Variants in TMEM120A observed in about 807,000 individuals in gnomAD.
TMEM120A encodes transmembrane protein 120A.
A neutral mutation model predicts 54.3 loss-of-function variants in TMEM120A; 45 were observed. The ratio of observed to expected loss-of-function variants is 0.83; its 90% CI spans 0.65 to 1.06. TMEM120A has a LOEUF of 1.06. Ranked by LOEUF, TMEM120A falls within the 50% of genes least tolerant of loss-of-function variation. The probability of loss-of-function intolerance (pLI) is 0.00; values close to 1 mark genes in which losing one functional copy is unlikely to be tolerated. For synonymous variants in TMEM120A, 204 were observed against 178.5 expected, an observed-to-expected ratio of 1.14 and a Z score of -1.14; for missense variants, 424 against 441.7, an observed-to-expected ratio of 0.96 and a Z score of 0.36.
Position 75,987,609 on chromosome 7 carries a change from G to T in TMEM120A, c.785-7C>A. ...ATCCAGGACTGGAAGCCCTCTGCGG[G>T]GAGGAAGGTCAGGGCACAGGACGGC... On this transcript the variant is annotated splice_polypyrimidine_tract_variant and splice_region_variant and intron_variant, in intron 9 of 11. Transcript: ENST00000493111. 2 of 1,608,116 alleles carry T rather than the reference G, an allele frequency of 1.2e-6. No individual in the cohort carries two copies. Among genetic ancestry groups the T allele is most frequent in the Non-Finnish European group, 1.7e-6 (2 of 1,177,842 alleles).
At chr7:75,992,616 A>AG (rs1331039544) in intron 1 of TMEM120A, 59 bp from the exon 2 acceptor site, 1 of 1,327,612 alleles carries the variant, frequency 7.5e-7, no homozygotes, top group African/African-American at 1.5e-5. Context: ...CAGAGCCTGC[A>AG]GGCAGGACGT....
In TMEM120A at chr7:75,992,190, G is replaced by GGC; in HGVS notation, c.269_270dup (p.Gln91AlafsTer20). 6.2e-7 allele frequency: 1 copy of GGC among 1,612,214 alleles called. No individual in the cohort carries two copies. The highest frequency in any genetic ancestry group is 8.5e-7 in the Non-Finnish European group (1 of 1,179,206). The stretch of plus-strand genomic sequence containing the variant: ...GCCTCCATGTCAAAGAAGAGGCCTT[G>GGC]GCGCTCTTTCATCTGGTTCTCCAGC... On this transcript the variant is annotated frameshift_variant, in exon 3 of 12. Coordinates refer to ENST00000493111, the MANE Select transcript of TMEM120A (RefSeq NM_031925.3). LOFTEE classifies it high-confidence loss of function.
rs1789535203 is a variant in TMEM120A, at chr7:75,987,166, C to T, written c.*6G>A. ...CCCCTCTGGGCCGGCAGGGGAAGGC[C>T]CAGCCTCAATCCTTCTTGCTCCCGT... On this transcript the variant is annotated 3_prime_UTR_variant, in exon 12 of 12. Transcript: ENST00000493111. 2 of 1,590,954 alleles carry T rather than the reference C, an allele frequency of 1.3e-6. No individual in the cohort carries two copies. The highest frequency in any genetic ancestry group is 8.5e-7 in the Non-Finnish European group (1 of 1,169,604).
intron 8 of TMEM120A, 33 bp downstream of exon 8, chr7:75,987,890 C>G (rs1355727058): frequency 6.3e-7 from 1 of 1,599,024 alleles, no homozygotes; most frequent in African/African-American, 1.3e-5. Flanking sequence ...ACGGGTGCCT[C>G]CAGGGCTCAG....
chr7:75,988,148 C>T lies in TMEM120A; in HGVS notation c.564G>A (p.Arg188=), dbSNP rs782743658. ...RESILINNGS[R]IKGWWVFHHY... ...GATGGAACACCCACCAGCCTTTGATCCTGGAGCAGAGAGCCACCATCACCC... is the reference window on the plus strand; with the variant it reads ...GATGGAACACCCACCAGCCTTTGATTCTGGAGCAGAGAGCCACCATCACCC... The change falls in exon 7 of 12, where the codon CGG becomes CGA. Residue 188 remains arginine, a splice_region_variant and synonymous_variant. Coordinates refer to ENST00000493111, the MANE Select transcript of TMEM120A (RefSeq NM_031925.3). 1.9e-6 allele frequency: 3 copies of T among 1,610,718 alleles called. No homozygotes were observed. Among genetic ancestry groups the T allele is most frequent in the South Asian group, 2.2e-5 (2 of 90,840 alleles).
chr7:75,986,975 A>ACG lies in TMEM120A; in HGVS notation c.*195_*196dup. 1 of 610,116 alleles carries ACG rather than the reference A, an allele frequency of 1.6e-6. No individual in the cohort carries two copies. Among genetic ancestry groups the ACG allele is most frequent in the Admixed American group, 3.0e-5 (1 of 33,576 alleles). 37.8% of individuals were successfully genotyped at this position (610,116 alleles called of 1,614,324 possible). ...CCTCCCCTCCCCCAGGAGAACACACACGCTCAGGCCACCTCTGGGCCTCTC... is the reference window on the plus strand; with the variant it reads ...CCTCCCCTCCCCCAGGAGAACACACACGCGCTCAGGCCACCTCTGGGCCTCTC... On this transcript the variant is annotated 3_prime_UTR_variant, in exon 12 of 12. Transcript: ENST00000493111.
rs782398579 is a variant in TMEM120A, at chr7:75,987,568, G to A, written c.819C>T (p.Thr273=). The change falls in exon 10 of 12, where the codon ACC becomes ACT. Residue 273 remains threonine, a synonymous_variant. Transcript: ENST00000493111. ...GFQSWMWRGL[T]FLLPFLFFGH... ...CAAAGAAAAGAAAAGGCAGCAGGAA[G>A]GTGAGGCCCCGCCACATCCAGGACT... The A allele has an allele frequency of 4.4e-6, 7 of 1,600,794 alleles. No individual in the cohort carries two copies. The African/African-American group carries it at 6.7e-5, about 15-fold the overall frequency.
intron 5 of TMEM120A, 36 bp from the exon 6 acceptor site, chr7:75,988,377 C>T (rs375465097): frequency 9.5e-5 from 152 of 1,598,844 alleles, no homozygotes; most frequent in Non-Finnish European, 1.3e-4. Context: ...GGTACTGCAG[C>T]GACTGGGGAT....
At chr7:75,989,761 C>A (rs1284288079) in intron 3 of TMEM120A, among the ~76,000 whole-genome samples, 1 of 152,040 alleles carries the variant, frequency 6.6e-6, no homozygotes, top group Non-Finnish European at 1.5e-5. Context: ...CCACCACGAC[C>A]CCCCTTGTCC....
chr7:75,993,114 G>A (rs1307651133), intron 1 of TMEM120A, among the ~76,000 whole-genome samples: 1 of 152,132 alleles, frequency 6.6e-6, no homozygotes, highest in Non-Finnish European at 1.5e-5. Context: ...GGTTTTCTTA[G>A]TCTCAGCCCA....
At chr7:75,989,113 G>GGTGGAGGGGTGGAGGTTGGGGGGTGGA in intron 4 of TMEM120A, 52 bp downstream of exon 4, 1 of 343,872 alleles carries the variant, frequency 2.9e-6, no homozygotes, top group Non-Finnish European at 4.9e-6. Context: ...GGGGGGTAGG[G>GGTGGAGGGGTGGAGGTTGGGGGGTGGA]GGCTAGGGGT....
rs1020068348 is a variant in TMEM120A, at chr7:75,987,004, A to G, written c.*168T>C. The G allele has an allele frequency of 1.2e-5, 8 of 642,748 alleles. No individual in the cohort carries two copies. The highest frequency in any genetic ancestry group is 2.2e-5 in the Non-Finnish European group (8 of 369,912). The allele number at this position is 642,748 out of a possible 1,614,324, so 39.8% of individuals were successfully genotyped here. ...TCAGGCCACCTCTGGGCCTCTCTTT[A>G]TTGAGGGCACTGGGCCCAGGTCTTC... On this transcript the variant is annotated 3_prime_UTR_variant, in exon 12 of 12. Transcript: ENST00000493111.
chr7:75,991,396 T>G (rs9656555), intron 3 of TMEM120A, among the ~76,000 whole-genome samples: 2,617 of 152,166 alleles, frequency 0.017, 68 homozygotes, highest in African/African-American at 0.06. Flanking sequence ...TGCCTCATTT[T>G]TTTTATTTAT....
Position 75,987,097 on chromosome 7 carries a change from C to A in TMEM120A, c.*75G>T, listed in dbSNP as rs781798838. Reference sequence around the variant, plus strand: ...AGAGACCCCCTGATACACGCACACTCGAGGGGCGCCTCCCATCCCCTCCCA... The same window carrying A: ...AGAGACCCCCTGATACACGCACACTAGAGGGGCGCCTCCCATCCCCTCCCA... On this transcript the variant is annotated 3_prime_UTR_variant, in exon 12 of 12. Coordinates refer to ENST00000493111, the MANE Select transcript of TMEM120A (RefSeq NM_031925.3). The A allele has an allele frequency of 1.0e-5, 13 of 1,261,680 alleles. No homozygotes were observed. The African/African-American group carries it at 1.9e-4, about 19-fold the overall frequency. The allele number at this position is 1,261,680 out of a possible 1,614,324, so 78.2% of individuals were successfully genotyped here. A position where few individuals can be genotyped will look rare whatever the true frequency, so the allele number is the denominator to read the frequency against.
chr7:75,993,704 C>T (rs946695591), intron 1 of TMEM120A, among the ~76,000 whole-genome samples: 17 of 152,212 alleles, frequency 1.1e-4, no homozygotes, highest in Non-Finnish European at 5.9e-5. Context: ...TCTTGTTTCT[C>T]ATGCCCAGGA....
At chr7:75,989,672 A>T (rs1554561440) in intron 3 of TMEM120A, among the ~76,000 whole-genome samples, 1 of 150,984 alleles carries the variant, frequency 6.6e-6, no homozygotes, top group African/African-American at 2.4e-5. Flanking sequence ...ATCTAGGACG[A>T]CCTCCCAAAC....
In TMEM120A at chr7:75,994,551, C is replaced by T. The variant is rs1402644247; in HGVS notation, c.20G>A (p.Gly7Asp). The change falls in exon 1 of 12, where the codon GGC becomes GAC. Residue 7 changes from glycine to aspartate, a missense_variant. Coordinates refer to ENST00000493111, the MANE Select transcript of TMEM120A (RefSeq NM_031925.3). The part of the protein sequence containing the change: MQPPPP[G>D]PLGDCLRDWE... ...GTCCCGCAGGCAGTCGCCCAGCGGGCCCGGGGGCGGGGGCTGCATGGCTGC... is the reference window on the plus strand; with the variant it reads ...GTCCCGCAGGCAGTCGCCCAGCGGGTCCGGGGGCGGGGGCTGCATGGCTGC... 3.9e-6 allele frequency: 6 copies of T among 1,554,876 alleles called. No individual in the cohort carries two copies. In the East Asian group the frequency reaches 1.2e-4, roughly 32 times the overall value.
Position 75,988,243 on chromosome 7 carries a change from C to G in TMEM120A, c.563+9G>C. On this transcript the variant is annotated intron_variant, in intron 6 of 11. Coordinates refer to ENST00000493111, the MANE Select transcript of TMEM120A (RefSeq NM_031925.3). ...CATGCTCCCCTCCCTCAGGGCCCGCCCTGCCCACCGGGAGCCGTTGTTGAT... is the reference window on the plus strand; with the variant it reads ...CATGCTCCCCTCCCTCAGGGCCCGCGCTGCCCACCGGGAGCCGTTGTTGAT... The G allele has an allele frequency of 6.2e-7, 1 of 1,611,808 alleles. No homozygotes were observed. The highest frequency in any genetic ancestry group is 8.5e-7 in the Non-Finnish European group (1 of 1,179,640).
Position 75,992,491 on chromosome 7 carries a change from A to G in TMEM120A, c.148T>C (p.Ser50Pro). 1 of 1,597,914 alleles carries G rather than the reference A, an allele frequency of 6.3e-7. No homozygotes were observed. ...LTKLQNNCTSSITRQKKRLQE... is the reference protein window; with the variant it reads ...LTKLQNNCTSPITRQKKRLQE... ...AGCCGCTTCTTCTGCCGCGTGATGG[A>G]GCTGGTGCAATTGTTCTGAAGTTTG... Residue 50 changes from serine to proline, a missense_variant, in exon 2 of 12, where the codon TCC becomes CCC. Transcript: ENST00000493111.
Sources: gnomAD v4.1 joint callset for allele counts (sites outside exome capture counted in the v4.1 genomes callset) on GRCh38, gnomAD v4.1.1 for gene constraint, MANE v1.5 for transcripts, NCBI Gene and HGNC (gene_info 2026-07-23, HGNC 2026-07-21) for gene names.